The following DIAPH3 variants were observed in gnomAD, a reference collection of about 807,000 sequenced individuals.
The protein encoded by DIAPH3 is protein diaphanous homolog 3.
In DIAPH3, 117 loss-of-function variants were observed where a neutral mutation model predicts 144.3. The observed-to-expected ratio is 0.81, with a 90% CI of 0.70 to 0.95. The LOEUF (loss-of-function observed/expected upper bound fraction) is 0.95. Ranked by LOEUF, DIAPH3 falls within the 40% of genes least tolerant of loss-of-function variation. DIAPH3 has a pLI of 0.00. For synonymous variants in DIAPH3, 519 were observed against 488.9 expected, an observed-to-expected ratio of 1.06 and a Z score of -0.81; for missense variants, 1,421 against 1,412.7, an observed-to-expected ratio of 1.01 and a Z score of -0.09.
chr13:60,097,574 A>T (rs1263199701), intron 3 of DIAPH3, among the ~76,000 whole-genome samples: 2 of 152,178 alleles, frequency 1.3e-5, no homozygotes, highest in Non-Finnish European at 2.9e-5. Flanking sequence ...CCTCTTTTTT[A>T]AATTATTCAG....
intron 5 of DIAPH3, among the ~76,000 whole-genome samples, chr13:60,038,354 T>C (rs1309232177): frequency 6.6e-6 from 1 of 152,130 alleles, no homozygotes; most frequent in Non-Finnish European, 1.5e-5. Flanking sequence ...TCAGATCATG[T>C]TGATAAAAAT....
intron 17 of DIAPH3, among the ~76,000 whole-genome samples, chr13:59,966,301 C>T (rs965043186): frequency 6.6e-6 from 1 of 151,622 alleles, no homozygotes; most frequent in Admixed American, 6.6e-5. Context: ...TAAAAGGCAA[C>T]AGGAATTAAG....
intron 22 of DIAPH3, among the ~76,000 whole-genome samples, chr13:59,855,958 A>G (rs916135292): frequency 2.6e-5 from 4 of 152,110 alleles, no homozygotes; most frequent in African/African-American, 9.7e-5. Flanking sequence ...AAAACTTGGT[A>G]TAGTATGATT....
rs1419309168 is a variant in DIAPH3 at position 59,810,533 on chromosome 13, C to T, written c.3163+255G>A. Among the ~76,000 whole-genome samples, 4 of 152,064 alleles carry T rather than the reference C, an allele frequency of 2.6e-5. No homozygotes were observed. In the East Asian group the frequency reaches 7.7e-4, roughly 29 times the overall value. ...ATTATTGAGGTAGTAATTAAAGAAA[C>T]GTGAATACGCTGGAACGAAAACAGC... On this transcript the variant is annotated intron_variant, in intron 25 of 27. Transcript: ENST00000400324.
intron 22 of DIAPH3, among the ~76,000 whole-genome samples, chr13:59,858,286 T>C (rs1046069570): frequency 1.3e-5 from 2 of 151,892 alleles, no homozygotes; most frequent in Non-Finnish European, 2.9e-5. Flanking sequence ...AAATTGACCA[T>C]AGGAGGGAAG....
At chr13:60,030,174 T>A (rs1036662845) in intron 5 of DIAPH3, among the ~76,000 whole-genome samples, 23 of 152,200 alleles carry the variant, frequency 1.5e-4, no homozygotes, top group African/African-American at 5.3e-4. Flanking sequence ...TTATACCTTT[T>A]TGTTTTATTT....
At chr13:59,904,810 C>T (rs997620018) in intron 20 of DIAPH3, among the ~76,000 whole-genome samples, 3 of 151,830 alleles carry the variant, frequency 2.0e-5, no homozygotes, top group Admixed American at 6.6e-5. Flanking sequence ...ACAAGAGTAG[C>T]GCTATAGAAC....
Position 59,835,377 on chromosome 13 carries a change from G to A in DIAPH3, c.2863-2106C>T, listed in dbSNP as rs1037866489. Among the ~76,000 whole-genome samples, 15 of 151,724 alleles carry A rather than the reference G, an allele frequency of 9.9e-5. No individual in the cohort carries two copies. The East Asian group carries it at 1.9e-3, about 20-fold the overall frequency. ...TAAGTATGATGTAGAAAAAAAATAT[G>A]ATATTACGTAGAGTGACAGAGGTTA... On this transcript the variant is annotated intron_variant, in intron 23 of 27. Transcript: ENST00000400324.
At chr13:59,989,801 G>A (rs1712018173) in intron 12 of DIAPH3, among the ~76,000 whole-genome samples, 1 of 151,806 alleles carries the variant, frequency 6.6e-6, no homozygotes, top group Non-Finnish European at 1.5e-5. Flanking sequence ...AGGGATCAAA[G>A]TCATAAGTAT....
At chr13:59,893,675 A>G (rs1593865466) in intron 20 of DIAPH3, among the ~76,000 whole-genome samples, 1 of 152,134 alleles carries the variant, frequency 6.6e-6, no homozygotes, top group South Asian at 2.1e-4. Flanking sequence ...AGTGTGACAC[A>G]GGAAAAAGCC....
At chr13:59,762,359 T>A (rs1050149032) in intron 27 of DIAPH3, among the ~76,000 whole-genome samples, 1 of 152,092 alleles carries the variant, frequency 6.6e-6, no homozygotes, top group Non-Finnish European at 1.5e-5. Flanking sequence ...CGCGCCCGGC[T>A]GCTTCAGCAT....
chr13:59,735,573 A>G (rs1282720124), intron 27 of DIAPH3, among the ~76,000 whole-genome samples: 2 of 152,160 alleles, frequency 1.3e-5, no homozygotes, highest in Non-Finnish European at 2.9e-5. Context: ...GGGAGAAGAG[A>G]AGGGAATGAA....
intron 17 of DIAPH3, among the ~76,000 whole-genome samples, chr13:59,939,217 T>C (rs1467056250): frequency 1.3e-5 from 2 of 152,170 alleles, no homozygotes; most frequent in Non-Finnish European, 2.9e-5. Context: ...ACTGCACACC[T>C]CAAACTTATA....
At chr13:59,858,912 G>A (rs897862066) in intron 22 of DIAPH3, among the ~76,000 whole-genome samples, 1 of 152,070 alleles carries the variant, frequency 6.6e-6, no homozygotes, top group Non-Finnish European at 1.5e-5. Context: ...TGCAATGAAA[G>A]TTCTCCCTGC....
intron 22 of DIAPH3, among the ~76,000 whole-genome samples, chr13:59,840,495 G>A (rs1163618564): frequency 1.3e-5 from 2 of 151,438 alleles, no homozygotes; most frequent in African/African-American, 4.8e-5. Context: ...TGGTTCAAAA[G>A]AATAAAATAG....
At chr13:59,831,999 C>T (rs2041803569) in intron 24 of DIAPH3, among the ~76,000 whole-genome samples, 1 of 151,804 alleles carries the variant, frequency 6.6e-6, no homozygotes, top group Admixed American at 6.6e-5. Flanking sequence ...AGACACATAA[C>T]TCGTATGAAA....
chr13:59,847,386 C>A (rs1232989764), intron 22 of DIAPH3, among the ~76,000 whole-genome samples: 2 of 152,066 alleles, frequency 1.3e-5, no homozygotes, highest in African/African-American at 4.8e-5. Context: ...CAATTAAAGG[C>A]CCCCAGTCAA....
chr13:60,082,161 A>G (rs891771786), intron 4 of DIAPH3, among the ~76,000 whole-genome samples: 3 of 151,960 alleles, frequency 2.0e-5, no homozygotes, highest in African/African-American at 7.2e-5. Flanking sequence ...AAATAGAAAT[A>G]AAAAAATCAT....
At chr13:59,757,003 A>T (rs1368055847) in intron 27 of DIAPH3, among the ~76,000 whole-genome samples, 1 of 152,214 alleles carries the variant, frequency 6.6e-6, no homozygotes, top group Non-Finnish European at 1.5e-5. Context: ...AAATACTGAG[A>T]AGGTTCTCCC....
Sources: allele counts gnomAD v4.1 joint callset (sites outside exome capture counted in the v4.1 genomes callset), GRCh38; gene constraint gnomAD v4.1.1; transcripts MANE v1.5; gene names NCBI Gene and HGNC (gene_info 2026-07-23, HGNC 2026-07-21).